The following PPARG variants were observed in gnomAD, a reference collection of about 807,000 sequenced individuals.
PPARG encodes peroxisome proliferator-activated receptor gamma.
PPARG carries 17 observed loss-of-function variants against 39.2 expected under a neutral mutation model. The observed-to-expected ratio is 0.43, with a 90% CI of 0.30 to 0.65. The LOEUF (loss-of-function observed/expected upper bound fraction) is 0.65. PPARG is among the 30% of genes least tolerant of loss of function. PPARG has a pLI of 0.13. For missense variants in PPARG, 406 were observed against 585.9 expected, an observed-to-expected ratio of 0.69 and a Z score of 3.17; for synonymous variants, 223 against 215.7, an observed-to-expected ratio of 1.03 and a Z score of -0.30.
intron 1 of PPARG, among the ~76,000 whole-genome samples, chr3:12,290,804 G>T (rs1395942125): frequency 6.6e-6 from 1 of 152,104 alleles, no homozygotes; most frequent in Non-Finnish European, 1.5e-5. Flanking sequence ...ACATATACAA[G>T]TATTAATAAT....
At chr3:12,401,327 G>A in intron 5 of PPARG, among the ~76,000 whole-genome samples, 1 of 152,162 alleles carries the variant, frequency 6.6e-6, no homozygotes, top group East Asian at 1.9e-4. Flanking sequence ...TGGACACATA[G>A]ATTAGGTTTT....
In PPARG at chr3:12,418,459, C is replaced by T. The variant is rs149761367; in HGVS notation, c.1180+1305C>T. ...TAGTGGTAAACTGTATATAACTGCA[C>T]AATGTATTATAAAGAGCACGATCCC... On this transcript the variant is annotated intron_variant, in intron 7 of 7. Transcript: ENST00000651735. Among the ~76,000 whole-genome samples, 303 of 152,300 alleles carry T rather than the reference C, an allele frequency of 2.0e-3. 1 individual carries two copies. Among genetic ancestry groups the T allele is most frequent in the African/African-American group, 6.7e-3 (279 of 41,554 alleles).
intron 1 of PPARG, among the ~76,000 whole-genome samples, chr3:12,302,781 A>G (rs1435423360): frequency 6.6e-6 from 1 of 152,164 alleles, no homozygotes; most frequent in African/African-American, 2.4e-5. Flanking sequence ...GAGATTCCAT[A>G]TCGTAAGAAG....
At chr3:12,304,609 A>T (rs78846589) in intron 1 of PPARG, among the ~76,000 whole-genome samples, 6,395 of 152,312 alleles carry the variant, frequency 0.042, 316 homozygotes, top group East Asian at 0.3. Context: ...AATTTTCATT[A>T]TGTATTATTA....
chr3:12,423,306 CAG>C (rs757574335), intron 7 of PPARG, among the ~76,000 whole-genome samples: 54 of 152,180 alleles, frequency 3.5e-4, no homozygotes, highest in Non-Finnish European at 6.8e-4. Flanking sequence ...CAGAAACAAA[CAG>C]AATAACCCTG....
chr3:12,293,582 G>A (rs2920505), intron 1 of PPARG, among the ~76,000 whole-genome samples: 88,717 of 151,932 alleles, frequency 0.58, 26,045 homozygotes, highest in South Asian at 0.64. Flanking sequence ...AACTCCCACA[G>A]TCAGCAGGTT....
chr3:12,371,888 A>T (rs543978591), intron 2 of PPARG: 3 of 704,832 alleles, frequency 4.3e-6, no homozygotes, highest in African/African-American at 3.5e-5. Flanking sequence ...TGTCGCTGTC[A>T]TGATGGGAGA....
chr3:12,350,555 T>C (rs182729226), intron 2 of PPARG, among the ~76,000 whole-genome samples: 1 of 152,332 alleles, frequency 6.6e-6, no homozygotes, highest in East Asian at 1.9e-4. Flanking sequence ...AATAGGCCAC[T>C]CATGTGACAA....
chr3:12,384,605 CATT>C (rs1397543267), intron 4 of PPARG, among the ~76,000 whole-genome samples: 1 of 152,134 alleles, frequency 6.6e-6, no homozygotes, highest in Admixed American at 6.6e-5. Flanking sequence ...CATAATGAAA[CATT>C]ATCATTTGGC....
chr3:12,311,953 A>G (rs2047258766), intron 1 of PPARG, among the ~76,000 whole-genome samples: 1 of 152,226 alleles, frequency 6.6e-6, no homozygotes, highest in Non-Finnish European at 1.5e-5. Flanking sequence ...TTTGCCATGT[A>G]TAACTTCTCA....
chr3:12,323,522 A>C (rs1009455863), intron 2 of PPARG, among the ~76,000 whole-genome samples: 2 of 152,228 alleles, frequency 1.3e-5, no homozygotes, highest in African/African-American at 4.8e-5. Context: ...TGTAGGAATA[A>C]CTTTACCTGT....
At chr3:12,331,832 A>G (rs1344883390) in intron 2 of PPARG, among the ~76,000 whole-genome samples, 2 of 152,194 alleles carry the variant, frequency 1.3e-5, no homozygotes, top group Admixed American at 1.3e-4. Context: ...ATTTACTAAG[A>G]CAGGGCTCAT....
intron 2 of PPARG, among the ~76,000 whole-genome samples, chr3:12,315,126 A>T (rs13090995): frequency 0.25 from 38,393 of 152,080 alleles, 4,958 homozygotes; most frequent in East Asian, 0.33. Flanking sequence ...AGCCCTTCCC[A>T]GCCTCTAGTA....
At chr3:12,419,276 A>G (rs1450533221) in intron 7 of PPARG, among the ~76,000 whole-genome samples, 13 of 151,972 alleles carry the variant, frequency 8.6e-5, no homozygotes, top group Admixed American at 8.5e-4. Context: ...AAAATATACT[A>G]CCTGGCATGG....
At chr3:12,355,999 C>A (rs1223747639) in intron 2 of PPARG, among the ~76,000 whole-genome samples, 1 of 152,160 alleles carries the variant, frequency 6.6e-6, no homozygotes, top group East Asian at 1.9e-4. Flanking sequence ...TTCCTTGAGA[C>A]AGAGGAAATC....
chr3:12,429,140 C>T (rs537600949), intron 7 of PPARG, among the ~76,000 whole-genome samples: 2 of 152,266 alleles, frequency 1.3e-5, no homozygotes, highest in South Asian at 4.1e-4. Flanking sequence ...TCTAACTTGT[C>T]ATTGCAGAAA....
At chr3:12,422,500 C>G (rs1040221322) in intron 7 of PPARG, among the ~76,000 whole-genome samples, 3 of 152,188 alleles carry the variant, frequency 2.0e-5, no homozygotes, top group African/African-American at 4.8e-5. Context: ...GATGTGGAAG[C>G]ATCTCAATTA....
intron 5 of PPARG, chr3:12,399,234 TGAAAGAAA>T: frequency 2.5e-6 from 1 of 397,810 alleles, no homozygotes; most frequent in South Asian, 1.8e-5. Flanking sequence ...TCTTCATTTT[TGAAAGAAA>T]CCTAAGAAAA....
chr3:12,377,252 A>T (rs1349030245), intron 2 of PPARG, among the ~76,000 whole-genome samples: 3 of 151,958 alleles, frequency 2.0e-5, no homozygotes, highest in East Asian at 3.9e-4. Context: ...CCATGTAAGC[A>T]TTTTTCCTTT....
Sources: gnomAD v4.1 joint callset for allele counts (sites outside exome capture counted in the v4.1 genomes callset) on GRCh38, gnomAD v4.1.1 for gene constraint, MANE v1.5 for transcripts, NCBI Gene and HGNC (gene_info 2026-07-23, HGNC 2026-07-21) for gene names.